The following WDPCP variants were observed in gnomAD, a reference collection of about 807,000 sequenced individuals.
WDPCP encodes WD repeat-containing and planar cell polarity effector protein fritz homolog.
A neutral mutation model predicts 93.1 loss-of-function variants in WDPCP; 71 were observed. The ratio of observed to expected loss-of-function variants is 0.76; its 90% CI spans 0.63 to 0.93. The LOEUF (loss-of-function observed/expected upper bound fraction) is 0.93, where lower values mean the gene tolerates loss of function less well. Among genes scored for constraint, WDPCP ranks in the 40% least tolerant of loss-of-function variants. The pLI is 0.00. For missense variants in WDPCP, 844 were observed against 887.4 expected, an observed-to-expected ratio of 0.95 and a Z score of 0.62; for synonymous variants, 315 against 315.0, an observed-to-expected ratio of 1.00 and a Z score of 0.00.
At chr2:63,315,368 C>T (rs1449260708) in intron 12 of WDPCP, among the ~76,000 whole-genome samples, 1 of 152,078 alleles carries the variant, frequency 6.6e-6, no homozygotes, top group Non-Finnish European at 1.5e-5. Context: ...TAAAAGAGAC[C>T]CAGGTTAGTA....
intron 2 of WDPCP, among the ~76,000 whole-genome samples, chr2:63,756,134 C>T (rs573257278): frequency 5.3e-5 from 8 of 152,312 alleles, no homozygotes; most frequent in South Asian, 2.1e-4. Flanking sequence ...TCATATTCTG[C>T]ATCAGTGAAC....
intron 9 of WDPCP, among the ~76,000 whole-genome samples, chr2:63,429,656 G>A (rs140001893): frequency 9.9e-5 from 15 of 152,204 alleles, no homozygotes; most frequent in African/African-American, 9.6e-5. Context: ...ACACCAGTCA[G>A]AATGGCTTTT....
At chr2:63,449,019 C>CA (rs1201462364) in intron 6 of WDPCP, among the ~76,000 whole-genome samples, 45 of 149,758 alleles carry the variant, frequency 3.0e-4, no homozygotes, top group South Asian at 1.3e-3. Flanking sequence ...GTACTCACCA[C>CA]AAAAAAAAAT....
At chr2:63,582,866 C>T (rs952001583) in intron 1 of WDPCP, among the ~76,000 whole-genome samples, 1 of 152,028 alleles carries the variant, frequency 6.6e-6, no homozygotes, top group African/African-American at 2.4e-5. Flanking sequence ...CATACAAAAG[C>T]TGAGAGAATT....
chr2:63,362,274 T>TTGTTG (rs764194233), intron 12 of WDPCP, among the ~76,000 whole-genome samples: 2 of 58,056 alleles, frequency 3.4e-5, no homozygotes, highest in Admixed American at 1.8e-4. Flanking sequence ...TTTTTTTTTT[T>TTGTTG]GGTTGTGTGT....
intron 6 of WDPCP, among the ~76,000 whole-genome samples, chr2:63,450,648 C>A (rs1454012477): frequency 1.3e-5 from 2 of 152,304 alleles, no homozygotes; most frequent in East Asian, 3.9e-4. Context: ...ACTAGCCCAA[C>A]TGGCACCCCT....
chr2:63,621,271 A>C (rs949782938), intron 3 of WDPCP, among the ~76,000 whole-genome samples: 7 of 152,070 alleles, frequency 4.6e-5, no homozygotes, highest in Admixed American at 3.3e-4. Flanking sequence ...GAAAGCTAAG[A>C]ACCTTGAAAA....
chr2:63,531,256 T>C (rs749404469), intron 1 of WDPCP, among the ~76,000 whole-genome samples: 13 of 152,176 alleles, frequency 8.5e-5, no homozygotes, highest in Non-Finnish European at 1.6e-4. Flanking sequence ...ACTCCACCTC[T>C]GGGGGCAGGG....
At chr2:63,358,068 A>T (rs1012891632) in intron 12 of WDPCP, among the ~76,000 whole-genome samples, 1 of 151,970 alleles carries the variant, frequency 6.6e-6, no homozygotes, top group African/African-American at 2.4e-5. Context: ...CAAACATATG[A>T]ACTGGGGTCT....
At chr2:63,670,003 T>C (rs572022027) in intron 2 of WDPCP, among the ~76,000 whole-genome samples, 38 of 152,318 alleles carry the variant, frequency 2.5e-4, no homozygotes, top group African/African-American at 7.0e-4. Flanking sequence ...CCCCTTAGGA[T>C]TGCTGTGAGG....
chr2:63,381,803 A>G, intron 11 of WDPCP, 103 bp downstream of exon 11: 1 of 1,195,602 alleles, frequency 8.4e-7, no homozygotes, highest in South Asian at 1.4e-5. Context: ...TTTATCATTT[A>G]ATCTCCAATA....
intron 14 of WDPCP, among the ~76,000 whole-genome samples, chr2:63,256,328 GACAA>G (rs1681141919): frequency 6.6e-6 from 1 of 152,078 alleles, no homozygotes. Context: ...TGCAAGTATA[GACAA>G]ACAGAGTAAT....
At chr2:63,784,553 A>C (rs1461956476) in intron 2 of WDPCP, among the ~76,000 whole-genome samples, 1 of 150,584 alleles carries the variant, frequency 6.6e-6, no homozygotes, top group Non-Finnish European at 1.5e-5. Flanking sequence ...GAACTTTTGA[A>C]AAAATATCTC....
intron 14 of WDPCP, among the ~76,000 whole-genome samples, chr2:63,236,448 G>A (rs1362376653): frequency 2.0e-5 from 3 of 152,058 alleles, no homozygotes; most frequent in Admixed American, 1.3e-4. Context: ...AGTTACCAAG[G>A]TCATTTTTCA....
chr2:63,427,910 G>A (rs920970955), intron 9 of WDPCP, among the ~76,000 whole-genome samples: 2 of 152,038 alleles, frequency 1.3e-5, no homozygotes, highest in Admixed American at 6.6e-5. Context: ...ACTGATCCCA[G>A]AGGAATGCAA....
At chr2:63,527,342 G>A (rs923279263) in intron 1 of WDPCP, among the ~76,000 whole-genome samples, 1 of 150,968 alleles carries the variant, frequency 6.6e-6, no homozygotes, top group African/African-American at 2.4e-5. Flanking sequence ...TTTACATTAG[G>A]TATACGTCCT....
chr2:63,447,827 A>C (rs921607480), intron 6 of WDPCP, among the ~76,000 whole-genome samples: 2 of 152,156 alleles, frequency 1.3e-5, no homozygotes, highest in Admixed American at 1.3e-4. Flanking sequence ...CATTATTTTT[A>C]AATGTGTGTA....
At chr2:63,393,241 T>C (rs189089648) in intron 10 of WDPCP, among the ~76,000 whole-genome samples, 4 of 152,170 alleles carry the variant, frequency 2.6e-5, no homozygotes, top group Non-Finnish European at 2.9e-5. Context: ...TGCCAGGACA[T>C]GGATGAAGCT....
At chr2:63,673,040 A>G (rs1309803767) in intron 2 of WDPCP, among the ~76,000 whole-genome samples, 1 of 152,196 alleles carries the variant, frequency 6.6e-6, no homozygotes, top group Admixed American at 6.5e-5. Flanking sequence ...GGTGTGAGCC[A>G]TTGCTCTTGG....
Sources: gnomAD v4.1 joint callset for allele counts (sites outside exome capture counted in the v4.1 genomes callset) on GRCh38, gnomAD v4.1.1 for gene constraint, MANE v1.5 for transcripts, NCBI Gene and HGNC (gene_info 2026-07-23, HGNC 2026-07-21) for gene names.